The following GGNBP2 variants were observed in gnomAD, a reference collection of about 807,000 sequenced individuals.
GGNBP2 encodes gametogenetin binding protein 2, also known as gametogenetin-binding protein 2.
GGNBP2 carries 10 observed loss-of-function variants against 85.9 expected under a neutral mutation model. The ratio of observed to expected loss-of-function variants is 0.12; its 90% CI spans 0.07 to 0.20. The LOEUF (loss-of-function observed/expected upper bound fraction) is 0.20. GGNBP2 is among the 10% of genes least tolerant of loss of function. The probability of loss-of-function intolerance (pLI) is 1.00; values close to 1 mark genes in which losing one functional copy is unlikely to be tolerated. For missense variants in GGNBP2, 595 were observed against 857.8 expected, an observed-to-expected ratio of 0.69 and a Z score of 3.83; for synonymous variants, 287 against 285.7, an observed-to-expected ratio of 1.00 and a Z score of -0.05.
chr17:36,568,257 T>G (rs2074487869), intron 6 of GGNBP2, among the ~76,000 whole-genome samples: 1 of 152,004 alleles, frequency 6.6e-6, no homozygotes, highest in Non-Finnish European at 1.5e-5. Context: ...CTCTCAGGGT[T>G]AGCCTTCTTG....
intron 6 of GGNBP2, chr17:36,574,887 G>C: frequency 1.3e-6 from 1 of 753,184 alleles, no homozygotes; most frequent in South Asian, 1.5e-5. Context: ...ATGGCCCCGT[G>C]GATGGCAGTG....
intron 2 of GGNBP2, 43 bp from the exon 3 acceptor site, chr17:36,554,777 A>G (rs1244733512): frequency 1.7e-6 from 2 of 1,192,858 alleles, no homozygotes; most frequent in South Asian, 1.2e-5. Flanking sequence ...TCCTGTTCTC[A>G]GAGGGGTAAA....
At chr17:36,578,611 T>A (rs781068453) in intron 7 of GGNBP2, 1 of 160,838 alleles carries the variant, frequency 6.2e-6, no homozygotes, top group Non-Finnish European at 1.4e-5. Context: ...GAACTGTGTA[T>A]ATTATATTAT....
chr17:36,573,354 C>G (rs1448660038), intron 6 of GGNBP2, among the ~76,000 whole-genome samples: 1 of 152,158 alleles, frequency 6.6e-6, no homozygotes, highest in Admixed American at 6.5e-5. Flanking sequence ...CTCAAGTGAT[C>G]CATTCGCCTC....
rs1567817817 is a variant in GGNBP2, at chr17:36,553,359, T to C, written c.94-1461T>C. On this transcript the variant is annotated intron_variant, in intron 2 of 13. Coordinates refer to ENST00000613102, the MANE Select transcript of GGNBP2 (RefSeq NM_024835.5). ...GTCTCTGTACTTCATATATCTCATA[T>C]TCCTCCGTTATCAAGAAAAACTCTT... Among the ~76,000 whole-genome samples the C allele has an allele frequency of 2.6e-5, 4 of 152,238 alleles. No individual in the cohort carries two copies. The South Asian group carries it at 6.2e-4, about 24-fold the overall frequency.
At chr17:36,548,839 G>A (rs570512878) in intron 2 of GGNBP2, among the ~76,000 whole-genome samples, 1 of 151,660 alleles carries the variant, frequency 6.6e-6, no homozygotes, top group South Asian at 2.1e-4. Flanking sequence ...AGCTACTGAT[G>A]AGACTGAGGC....
chr17:36,567,926 A>G (rs769933314), intron 6 of GGNBP2, 150 bp downstream of exon 6: 17 of 461,270 alleles, frequency 3.7e-5, no homozygotes, highest in Non-Finnish European at 5.4e-5. Flanking sequence ...TAGAGTAGGC[A>G]GTTCCTTTTT....
chr17:36,546,477 G>A (rs949484754), intron 2 of GGNBP2: 4 of 151,920 alleles, frequency 2.6e-5, no homozygotes, highest in African/African-American at 9.7e-5. Context: ...ATTATTGAAT[G>A]TGTAAGAGTA....
chr17:36,574,939 A>AT lies in GGNBP2; in HGVS notation c.642-3042dup. Reference sequence around the variant, plus strand: ...ACTTAACACCCAGACCGATGTGGCCATTGTAGTCCACGATGGCAACAAACA... The same window carrying AT: ...ACTTAACACCCAGACCGATGTGGCCATTTGTAGTCCACGATGGCAACAAACA... On this transcript the variant is annotated intron_variant, in intron 6 of 13. Coordinates refer to ENST00000613102, the MANE Select transcript of GGNBP2 (RefSeq NM_024835.5). 4.4e-6 allele frequency: 5 copies of AT among 1,147,926 alleles called. No individual in the cohort carries two copies. In the South Asian group the frequency reaches 6.5e-5, roughly 15 times the overall value. The allele number at this position is 1,147,926 out of a possible 1,614,324, so 71.1% of individuals were successfully genotyped here.
At chr17:36,574,755 T>C in intron 6 of GGNBP2, 1 of 629,142 alleles carries the variant, frequency 1.6e-6, no homozygotes. Context: ...GGCGTAGGGA[T>C]GAGGCGCACC....
chr17:36,583,780 A>G (rs1175401907), intron 9 of GGNBP2, among the ~76,000 whole-genome samples: 2 of 152,182 alleles, frequency 1.3e-5, no homozygotes, highest in African/African-American at 4.8e-5. Flanking sequence ...GTATTTTAAT[A>G]TAAACCTTTT....
At chr17:36,579,155 A>C (rs528615029) in intron 7 of GGNBP2, 90 bp from the exon 8 acceptor site, 73 of 1,061,744 alleles carry the variant, frequency 6.9e-5, no homozygotes. Flanking sequence ...AGGTAAGCAC[A>C]TTGTGTTTAA....
chr17:36,570,666 G>T (rs999951238), intron 6 of GGNBP2, among the ~76,000 whole-genome samples: 16 of 152,052 alleles, frequency 1.1e-4, no homozygotes, highest in African/African-American at 3.6e-4. Context: ...TCGCGCCATT[G>T]CGCTCCAGCC....
chr17:36,571,370 T>A (rs948036325), intron 6 of GGNBP2, among the ~76,000 whole-genome samples: 1 of 151,862 alleles, frequency 6.6e-6, no homozygotes, highest in Non-Finnish European at 1.5e-5. Context: ...GCCAACATGG[T>A]GATACCCCGT....
chr17:36,552,199 A>G (rs1046455746), intron 2 of GGNBP2, among the ~76,000 whole-genome samples: 4 of 152,204 alleles, frequency 2.6e-5, no homozygotes, highest in Non-Finnish European at 4.4e-5. Flanking sequence ...ATGGCTCTAA[A>G]AGTTTATACC....
intron 5 of GGNBP2, among the ~76,000 whole-genome samples, chr17:36,564,518 G>A (rs901091668): frequency 3.9e-5 from 6 of 152,218 alleles, no homozygotes; most frequent in African/African-American, 7.2e-5. Flanking sequence ...TACATGGGAA[G>A]TCATATGTTT....
At chr17:36,549,941 C>A (rs1027618857) in intron 2 of GGNBP2, among the ~76,000 whole-genome samples, 1 of 143,610 alleles carries the variant, frequency 7.0e-6, no homozygotes, top group African/African-American at 2.5e-5. Context: ...TATGATATTT[C>A]TTTTTTTTTT....
intron 5 of GGNBP2, among the ~76,000 whole-genome samples, chr17:36,561,655 C>T (rs548156917): frequency 2.8e-4 from 42 of 152,032 alleles, no homozygotes; most frequent in African/African-American, 9.9e-4. Flanking sequence ...GATGGAGTCT[C>T]CTCTGTCGCC....
Position 36,575,070 on chromosome 17 carries a change from A to C in GGNBP2, c.642-2913A>C, listed in dbSNP as rs958816196. 2.2e-5 allele frequency: 22 copies of C among 1,019,004 alleles called. No individual in the cohort carries two copies. In the African/African-American group the frequency reaches 3.3e-4, roughly 15 times the overall value. 63.1% of individuals were successfully genotyped at this position (1,019,004 alleles called of 1,614,324 possible). A position where few individuals can be genotyped will look rare whatever the true frequency, so the allele number is the denominator to read the frequency against. ...CCCAGGAAAAAGTTAGTGATCTCAG[A>C]TTCCTTCATGGGCAGGGAGAAGACA... is the stretch of plus-strand genomic sequence containing the variant. On this transcript the variant is annotated intron_variant, in intron 6 of 13. Coordinates refer to ENST00000613102, the MANE Select transcript of GGNBP2 (RefSeq NM_024835.5).
Sources: gnomAD v4.1 joint callset for allele counts (sites outside exome capture counted in the v4.1 genomes callset) on GRCh38, gnomAD v4.1.1 for gene constraint, MANE v1.5 for transcripts, NCBI Gene and HGNC (gene_info 2026-07-23, HGNC 2026-07-21) for gene names.